OPALIN: variants seen among roughly 807,000 people sequenced by gnomAD.
The protein encoded by OPALIN is transmembrane protein 10.
OPALIN carries 15 observed loss-of-function variants against 17.8 expected under a neutral mutation model. The observed-to-expected ratio is 0.84, with a 90% confidence interval of 0.56 to 1.29. The LOEUF is 1.29. OPALIN is among the 50% of genes most tolerant of loss of function. OPALIN has a pLI of 0.00. For missense variants in OPALIN, 170 were observed against 176.0 expected, an observed-to-expected ratio of 0.97 and a Z score of 0.19; for synonymous variants, 62 against 63.8, an observed-to-expected ratio of 0.97 and a Z score of 0.14.
At chr10:96,352,509 A>T (rs2134023489) in intron 2 of OPALIN, among the ~76,000 whole-genome samples, 1 of 152,120 alleles carries the variant, frequency 6.6e-6, no homozygotes, top group Middle Eastern at 3.4e-3. Context: ...GAAACTTGGT[A>T]CTTAAATGGT....
At chr10:96,346,243 A>T in intron 5 of OPALIN, 126 bp from the exon 6 acceptor site, 1 of 785,062 alleles carries the variant, frequency 1.3e-6, no homozygotes, top group Non-Finnish European at 2.1e-6. Context: ...ATTTGAAGCA[A>T]TAGTTTTCAA....
intron 5 of OPALIN, among the ~76,000 whole-genome samples, chr10:96,347,761 C>T (rs1266897248): frequency 6.6e-6 from 1 of 152,256 alleles, no homozygotes; most frequent in Non-Finnish European, 1.5e-5. Context: ...GCGTGAGCCA[C>T]TGCACCGGAC....
intron 5 of OPALIN, among the ~76,000 whole-genome samples, chr10:96,347,368 ACAGGCGTGAGCCACCG>A (rs1845378480): frequency 6.6e-6 from 1 of 152,108 alleles, no homozygotes; most frequent in Non-Finnish European, 1.5e-5. Flanking sequence ...TGCTGAGATT[ACAGGCGTGAGCCACCG>A]CACCCAGCCA....
chr10:96,346,045 C>A lies in OPALIN; in HGVS notation c.322G>T (p.Val108Leu). Reference sequence around the variant, plus strand: ...TGCACAGGTTCCTCGCTTCCTGCTACAGTCTTCACATATATGTGGGCCTCT... The same window carrying A: ...TGCACAGGTTCCTCGCTTCCTGCTAAAGTCTTCACATATATGTGGGCCTCT... ...AQEAHIYVKT[V>L]AGSEEPVHDR... Residue 108 changes from valine (V) to leucine (L), a missense_variant, in exon 6 of 6, where the codon GTA becomes TTA. Transcript: ENST00000371172. 2 of 1,614,096 alleles carry A rather than the reference C, an allele frequency of 1.2e-6. No homozygotes were observed. Among genetic ancestry groups the A allele is most frequent in the Non-Finnish European group, 1.7e-6 (2 of 1,179,928 alleles).
chr10:96,349,751 A>C lies in OPALIN; in HGVS notation c.148T>G (p.Phe50Val). The change falls in exon 4 of 6, where the codon TTT becomes GTT. Residue 50 changes from phenylalanine to valine, a missense_variant. Physicochemically the swap from Phe to Val is conservative, Grantham distance 50. Coordinates refer to ENST00000371172, the MANE Select transcript of OPALIN (RefSeq NM_033207.5). ...CTTCTTCTTCGGTGAATCAAAGTAA[A>C]TAGTAAAGCCACCAGCAGGGCTGTG... Reference protein sequence around the residue: ...VATALLVALLFTLIHRRRSSI... With the variant: ...VATALLVALLVTLIHRRRSSI... The C allele has an allele frequency of 3.1e-6, 5 of 1,614,074 alleles. No individual in the cohort carries two copies. The highest frequency in any genetic ancestry group is 4.2e-6 in the Non-Finnish European group (5 of 1,179,944).
intron 4 of OPALIN, among the ~76,000 whole-genome samples, chr10:96,349,203 T>A (rs1226735392): frequency 1.3e-5 from 2 of 152,152 alleles, no homozygotes; most frequent in Non-Finnish European, 2.9e-5. Flanking sequence ...TAGGTGGCTT[T>A]TGATTTCTAA....
chr10:96,347,383 C>T (rs1387678006), intron 5 of OPALIN, among the ~76,000 whole-genome samples: 3 of 149,638 alleles, frequency 2.0e-5, no homozygotes, highest in Non-Finnish European at 3.0e-5. Context: ...CGTGAGCCAC[C>T]GCACCCAGCC....
chr10:96,356,357 A>G (rs1267778953), intron 1 of OPALIN, among the ~76,000 whole-genome samples: 2 of 152,242 alleles, frequency 1.3e-5, no homozygotes, highest in Non-Finnish European at 2.9e-5. Flanking sequence ...AACAATAGGA[A>G]AGTTGTGAAA....
chr10:96,358,186 T>TAAAAAAAAAAAAAAAAAAA (rs61616596), intron 1 of OPALIN, among the ~76,000 whole-genome samples: 2 of 61,590 alleles, frequency 3.2e-5, no homozygotes, highest in Non-Finnish European at 3.0e-5. Context: ...ATGCTTTTTG[T>TAAAAAAAAAAAAAAAAAAA]AAAAAAAAAA....
In OPALIN at chr10:96,343,548, C is replaced by G. The variant is rs764133305; in HGVS notation, c.*2393G>C. On this transcript the variant is annotated 3_prime_UTR_variant, in exon 6 of 6. Coordinates refer to ENST00000371172, the MANE Select transcript of OPALIN (RefSeq NM_033207.5). ...AGGCTCTGGATGATCAACAATCGGCCCAAGGGCTGACACCTATAAGTATCA... is the reference window on the plus strand; with the variant it reads ...AGGCTCTGGATGATCAACAATCGGCGCAAGGGCTGACACCTATAAGTATCA... 6.6e-6 allele frequency: 1 copy of G among 152,150 alleles called. No homozygotes were observed. The highest frequency in any genetic ancestry group is 6.5e-5 in the Admixed American group (1 of 15,276). The allele number at this position is 152,150 out of a possible 1,614,324, so 9.4% of individuals were successfully genotyped here.
rs982152093 is a variant in OPALIN at position 96,343,263 on chromosome 10, A to G, written c.*2678T>C. ...CCATTTTACTTTTCACTTCATTCCAACATAAGTTCTTGTGTATCATAGCAG... is the reference window on the plus strand; with the variant it reads ...CCATTTTACTTTTCACTTCATTCCAGCATAAGTTCTTGTGTATCATAGCAG... On this transcript the variant is annotated 3_prime_UTR_variant, in exon 6 of 6. Coordinates refer to ENST00000371172, the MANE Select transcript of OPALIN (RefSeq NM_033207.5). The G allele has an allele frequency of 2.0e-5, 3 of 152,262 alleles. No individual in the cohort carries two copies. Among genetic ancestry groups the G allele is most frequent in the Non-Finnish European group, 4.4e-5 (3 of 68,038 alleles). 9.4% of individuals were successfully genotyped at this position (152,262 alleles called of 1,614,324 possible).
intron 3 of OPALIN, 80 bp from the exon 4 acceptor site, chr10:96,349,906 T>A: frequency 1.4e-6 from 2 of 1,423,334 alleles, no homozygotes; most frequent in Admixed American, 2.9e-5. Context: ...AGAATAAAAA[T>A]AAAACAAAAA....
intron 4 of OPALIN, among the ~76,000 whole-genome samples, chr10:96,349,148 T>A (rs182766154): frequency 1.3e-5 from 2 of 152,286 alleles, no homozygotes; most frequent in African/African-American, 4.8e-5. Flanking sequence ...AGAGTCCACA[T>A]GACACAGTTG....
intron 5 of OPALIN, 80 bp from the exon 6 acceptor site, chr10:96,346,197 A>G: frequency 1.5e-6 from 2 of 1,306,214 alleles, no homozygotes; most frequent in African/African-American, 1.5e-5. Flanking sequence ...AACCACATTG[A>G]CCCTCCCACC....
Position 96,355,371 on chromosome 10 carries a change from G to C in OPALIN, c.4-81C>G, listed in dbSNP as rs1431880017. On this transcript the variant is annotated intron_variant, in intron 1 of 5. Coordinates refer to ENST00000371172, the MANE Select transcript of OPALIN (RefSeq NM_033207.5). Reference sequence around the variant, plus strand: ...TCACTTCCTCAAACTCACTGACCCTGGTGGATTCCGAGAGGTCATTGATCC... The same window carrying C: ...TCACTTCCTCAAACTCACTGACCCTCGTGGATTCCGAGAGGTCATTGATCC... The C allele has an allele frequency of 3.8e-6, 5 of 1,303,486 alleles. No homozygotes were observed. The Admixed American group carries it at 8.5e-5, about 22-fold the overall frequency. The allele number at this position is 1,303,486 out of a possible 1,614,324, so 80.7% of individuals were successfully genotyped here.
At chr10:96,358,249 T>C (rs1038960602) in intron 1 of OPALIN, among the ~76,000 whole-genome samples, 1 of 144,194 alleles carries the variant, frequency 6.9e-6, no homozygotes, top group Admixed American at 7.2e-5. Context: ...ACAATATTCT[T>C]CTTTTTGTGT....
intron 1 of OPALIN, 30 bp downstream of exon 1, chr10:96,358,864 G>A (rs779948245): frequency 1.0e-4 from 164 of 1,612,058 alleles, no homozygotes; most frequent in Non-Finnish European, 4.9e-5. Context: ...ATGAAAGTTC[G>A]ATTGAGAAGA....
intron 2 of OPALIN, chr10:96,353,424 G>A: frequency 6.2e-7 from 1 of 1,613,618 alleles, no homozygotes; most frequent in Non-Finnish European, 8.5e-7. Flanking sequence ...GTAGAAATGT[G>A]ACTTCCAGGC....
intron 2 of OPALIN, chr10:96,353,512 C>CA: frequency 7.8e-7 from 1 of 1,279,408 alleles, no homozygotes; most frequent in Non-Finnish European, 1.1e-6. Context: ...CCAGGCAAAG[C>CA]AAAATGGTTG....
Sources: allele counts gnomAD v4.1 joint callset (sites outside exome capture counted in the v4.1 genomes callset), GRCh38; gene constraint gnomAD v4.1.1; transcripts MANE v1.5; gene names NCBI Gene and HGNC (gene_info 2026-07-23, HGNC 2026-07-21).